PRSS36: variants seen among roughly 807,000 people sequenced by gnomAD.
PRSS36 encodes the protein serine protease 36, also known as polyserase-2.
A neutral mutation model predicts 94.3 loss-of-function variants in PRSS36; 90 were observed. The observed-to-expected ratio is 0.95, with a 90% CI of 0.80 to 1.14. The LOEUF is 1.14. Ranked by LOEUF, PRSS36 falls within the 50% of genes most tolerant of loss-of-function variation. The probability of loss-of-function intolerance (pLI) is 0.00; values close to 1 mark genes in which losing one functional copy is unlikely to be tolerated. For synonymous variants in PRSS36, 500 were observed against 489.6 expected, an observed-to-expected ratio of 1.02 and a Z score of -0.28; for missense variants, 1,158 against 1,135.0, an observed-to-expected ratio of 1.02 and a Z score of -0.29.
chr16:31,145,828 C>T lies in PRSS36; in HGVS notation c.681G>A (p.Leu227=). The T allele has an allele frequency of 6.2e-7, 1 of 1,614,016 alleles. No individual in the cohort carries two copies. Among genetic ancestry groups the T allele is most frequent in the Non-Finnish European group, 8.5e-7 (1 of 1,179,998 alleles). Reference sequence around the variant, plus strand: ...TGCGGCCCTCTGGGTAGCCAGCACACAGCATCCCTGGCAATATCTGGAGAG... The same window carrying T: ...TGCGGCCCTCTGGGTAGCCAGCACATAGCATCCCTGGCAATATCTGGAGAG... ...NLTLQILPGM[L]CAGYPEGRRD... is the part of the protein sequence containing the mutation. Residue 227 remains leucine (L), a synonymous_variant, in exon 6 of 15, where the codon CTG becomes CTA. Transcript: ENST00000268281.
intron 1 of PRSS36, 41 bp downstream of exon 1, chr16:31,149,958 G>T: frequency 1.9e-6 from 3 of 1,608,710 alleles, no homozygotes; most frequent in Non-Finnish European, 2.5e-6. Context: ...CAGATGCCAG[G>T]ACCCAGGCCC....
rs1209421752 is a variant in PRSS36 at position 31,149,186 on chromosome 16, C to G, written c.159G>C (p.Ala53=). Residue 53 remains alanine, a synonymous_variant, in exon 4 of 15, where the codon GCG becomes GCC. Coordinates refer to ENST00000268281, the MANE Select transcript of PRSS36 (RefSeq NM_173502.5). ...CTTGCCAAGGCCAGGTGCCCGGCTGCGCGTTTGAGCCCCCCACGATGCGGG... is the reference window on the plus strand; with the variant it reads ...CTTGCCAAGGCCAGGTGCCCGGCTGGGCGTTTGAGCCCCCCACGATGCGGG... ...PSARIVGGSN[A]QPGTWPWQVS... 1 of 1,570,126 alleles carries G rather than the reference C, an allele frequency of 6.4e-7. No individual in the cohort carries two copies. Among genetic ancestry groups the G allele is most frequent in the Non-Finnish European group, 8.6e-7 (1 of 1,158,538 alleles).
chr16:31,143,454 G>T lies in PRSS36; in HGVS notation c.988C>A (p.Arg330=), dbSNP rs145398373. ...GCCTCCCAGGGCCAGGCCCCTGGCC[G>T]CGGGGCCTTCCCGCACTCTGAGGGG... is the stretch of plus-strand genomic sequence containing the variant. ...IALPECGKAP[R]PGAWPWEAQV... is the part of the protein sequence containing the mutation. Residue 330 remains arginine (R), a synonymous_variant, in exon 8 of 15, where the codon CGG becomes AGG. Coordinates refer to ENST00000268281, the MANE Select transcript of PRSS36 (RefSeq NM_173502.5). 1.2e-5 allele frequency: 20 copies of T among 1,609,676 alleles called. No individual in the cohort carries two copies. The African/African-American group carries it at 2.4e-4, about 19-fold the overall frequency.
chr16:31,143,950 C>T, intron 6 of PRSS36, 113 bp from the exon 7 acceptor site: 2 of 1,364,634 alleles, frequency 1.5e-6, no homozygotes, highest in Admixed American at 2.0e-5. Flanking sequence ...TAGAAACCCT[C>T]CTTGGCTAGG....
Position 31,142,461 on chromosome 16 carries a change from G to A in PRSS36, c.1521+20C>T. ...GCCCTCTCGGGCCCGCGTTCCGCGG[G>A]CCCCGCCCCCGCCGCTTACCCAGCA... On this transcript the variant is annotated intron_variant, in intron 10 of 14. Transcript: ENST00000268281. 2.8e-6 allele frequency: 4 copies of A among 1,435,444 alleles called. No individual in the cohort carries two copies. Among genetic ancestry groups the A allele is most frequent in the Non-Finnish European group, 3.6e-6 (4 of 1,096,128 alleles). The allele number at this position is 1,435,444 out of a possible 1,614,324, so 88.9% of individuals were successfully genotyped here. A position where few individuals can be genotyped will look rare whatever the true frequency, so the allele number is the denominator to read the frequency against.
chr16:31,149,950 G>A (rs1201788199), intron 1 of PRSS36, 49 bp downstream of exon 1: 15 of 1,604,602 alleles, frequency 9.3e-6, no homozygotes, highest in African/African-American at 1.3e-5. Context: ...CAGCCCCCCA[G>A]ATGCCAGGAC....
Position 31,140,498 on chromosome 16 carries a change from C to A in PRSS36, c.2161G>T (p.Asp721Tyr). The change falls in exon 13 of 15, where the codon GAC becomes TAC. Residue 721 changes from aspartate to tyrosine, a missense_variant. Transcript: ENST00000268281. ...CWVLGWKEPQ[D>Y]RVPVAAAVSI... The stretch of plus-strand genomic sequence containing the variant: ...CGTGACCCAGGGGTCTCACCTCGGT[C>A]CTGGGGTTCTTTCCAGCCCAACACC... 1 of 1,582,166 alleles carries A rather than the reference C, an allele frequency of 6.3e-7. No individual in the cohort carries two copies. The highest frequency in any genetic ancestry group is 8.6e-7 in the Non-Finnish European group (1 of 1,163,450).
Position 31,140,189 on chromosome 16 carries a change from CAAA to C in PRSS36, c.2289+102_2289+104del. 12 of 1,211,866 alleles carry C rather than the reference CAAA, an allele frequency of 9.9e-6. No homozygotes were observed. The African/African-American group carries it at 1.2e-4, about 12-fold the overall frequency. 75.1% of individuals were successfully genotyped at this position (1,211,866 alleles called of 1,614,324 possible). A position where few individuals can be genotyped will look rare whatever the true frequency, so the allele number is the denominator to read the frequency against. ...TGGGGGACAGAGTGAGACTCTGTCT[CAAA>C]AAAAAAAAAAAAAAAAAATTCCAAT... On this transcript the variant is annotated intron_variant, in intron 14 of 14. Transcript: ENST00000268281.
chr16:31,142,382 T>C (rs544565015), intron 10 of PRSS36, 99 bp downstream of exon 10: 1 of 1,232,284 alleles, frequency 8.1e-7, no homozygotes, highest in South Asian at 1.9e-5. Flanking sequence ...GGCCCCGCCC[T>C]CTCCCTAGAG....
Position 31,142,843 on chromosome 16 carries a change from G to GC in PRSS36, c.1250dup (p.Thr418HisfsTer92). On this transcript the variant is annotated frameshift_variant, in exon 9 of 15. Transcript: ENST00000268281. LOFTEE classifies it high-confidence loss of function. ...AAGCCGCGCTCAGGTTCACGGGCGT[G>GC]CGCAGCTGCAGCAGCGCCAGGTCCG... 6.4e-7 allele frequency: 1 copy of GC among 1,555,642 alleles called. No individual in the cohort carries two copies. Among genetic ancestry groups the GC allele is most frequent in the Non-Finnish European group, 8.7e-7 (1 of 1,154,562 alleles).
rs886916641 is a variant in PRSS36 at position 31,139,075 on chromosome 16, C to T, written c.*63G>A. On this transcript the variant is annotated 3_prime_UTR_variant, in exon 15 of 15. Transcript: ENST00000268281. ...GGTTCCAGCCGGCTGGGCCACATTCCAGCCCCACTGGGCGGGAAGTAGAGG... is the reference window on the plus strand; with the variant it reads ...GGTTCCAGCCGGCTGGGCCACATTCTAGCCCCACTGGGCGGGAAGTAGAGG... The T allele has an allele frequency of 6.7e-7, 1 of 1,496,754 alleles. No homozygotes were observed. Among genetic ancestry groups the T allele is most frequent in the Non-Finnish European group, 8.9e-7 (1 of 1,118,886 alleles). 92.7% of individuals were successfully genotyped at this position (1,496,754 alleles called of 1,614,324 possible).
At chr16:31,147,576 C>A (rs933367496) in intron 5 of PRSS36, among the ~76,000 whole-genome samples, 2 of 152,124 alleles carry the variant, frequency 1.3e-5, no homozygotes, top group African/African-American at 4.8e-5. Flanking sequence ...TCTATTCCCC[C>A]CCACCTTCTA....
Position 31,141,437 on chromosome 16 carries a change from C to T in PRSS36, c.1901+32G>A, listed in dbSNP as rs542435620. 26 of 1,571,256 alleles carry T rather than the reference C, an allele frequency of 1.7e-5. No homozygotes were observed. In the East Asian group the frequency reaches 4.7e-4, roughly 29 times the overall value. On this transcript the variant is annotated intron_variant, in intron 12 of 14. Coordinates refer to ENST00000268281, the MANE Select transcript of PRSS36 (RefSeq NM_173502.5). ...TTGGCTCTGTTCCATTCTCCCCTCC[C>T]GTCTCTCGCCTAGGAGACGAGTGAG...
intron 2 of PRSS36, 86 bp downstream of exon 2, chr16:31,149,610 G>T (rs779941035): frequency 9.4e-5 from 151 of 1,606,860 alleles, no homozygotes; most frequent in Non-Finnish European, 1.2e-4. Context: ...TTCCCTGTCC[G>T]TTCAGCAACC....
intron 12 of PRSS36, among the ~76,000 whole-genome samples, chr16:31,141,053 C>G (rs962065424): frequency 6.6e-6 from 1 of 152,100 alleles, no homozygotes; most frequent in Non-Finnish European, 1.5e-5. Flanking sequence ...CAGCCTCCCA[C>G]GTAGCTGGGG....
intron 5 of PRSS36, 94 bp downstream of exon 5, chr16:31,148,301 C>G (rs1354456483): frequency 1.5e-5 from 21 of 1,359,284 alleles, no homozygotes; most frequent in Non-Finnish European, 1.9e-5. Context: ...AGGCTCCGCT[C>G]CGTGGCCCCA....
intron 4 of PRSS36, 118 bp from the exon 5 acceptor site, chr16:31,148,793 G>T: frequency 7.2e-7 from 1 of 1,379,628 alleles, no homozygotes; most frequent in Non-Finnish European, 9.9e-7. Context: ...ATTTGGTGCT[G>T]ATACTCCTCA....
chr16:31,142,452 G>A (rs909166342), intron 10 of PRSS36, 29 bp downstream of exon 10: 1 of 1,413,846 alleles, frequency 7.1e-7, no homozygotes, highest in Non-Finnish European at 9.2e-7. Context: ...TCGGGCCCGC[G>A]TTCCGCGGGC....
intron 8 of PRSS36, 37 bp downstream of exon 8, chr16:31,143,305 G>A (rs1030139721): frequency 7.1e-6 from 11 of 1,553,178 alleles, no homozygotes; most frequent in Non-Finnish European, 9.6e-6. Context: ...CTGTAGGGAG[G>A]GGCAAGGATC....
Sources: gnomAD v4.1 joint callset for allele counts (sites outside exome capture counted in the v4.1 genomes callset) on GRCh38, gnomAD v4.1.1 for gene constraint, MANE v1.5 for transcripts, NCBI Gene and HGNC (gene_info 2026-07-23, HGNC 2026-07-21) for gene names.